ITGA8: variants seen among roughly 807,000 people sequenced by gnomAD.
The protein encoded by ITGA8 is integrin alpha-8.
A neutral mutation model predicts 142.3 loss-of-function variants in ITGA8; 91 were observed. The observed-to-expected ratio is 0.64, with a 90% CI of 0.54 to 0.76. The LOEUF (loss-of-function observed/expected upper bound fraction) is 0.76. Among genes scored for constraint, ITGA8 ranks in the 30% least tolerant of loss-of-function variants. The pLI is 0.00. For missense variants in ITGA8, 1,406 were observed against 1,327.7 expected, an observed-to-expected ratio of 1.06 and a Z score of -0.92; for synonymous variants, 505 against 485.2, an observed-to-expected ratio of 1.04 and a Z score of -0.54.
chr10:15,715,120 G>A (rs1013137275), intron 2 of ITGA8, among the ~76,000 whole-genome samples: 10 of 151,876 alleles, frequency 6.6e-5, no homozygotes, highest in Non-Finnish European at 1.0e-4. Flanking sequence ...AGAACAGTAC[G>A]TTACTGGCAC....
intron 13 of ITGA8, among the ~76,000 whole-genome samples, chr10:15,631,405 T>C (rs552795701): frequency 1.3e-5 from 2 of 152,000 alleles, no homozygotes. Context: ...GATGAGTTCA[T>C]GTCCTTTGCG....
At chr10:15,586,980 T>C (rs1395715738) in intron 22 of ITGA8, among the ~76,000 whole-genome samples, 1 of 151,914 alleles carries the variant, frequency 6.6e-6, no homozygotes, top group Non-Finnish European at 1.5e-5. Context: ...TGGAGTACAG[T>C]AGCCCAATAT....
intron 8 of ITGA8, among the ~76,000 whole-genome samples, chr10:15,667,317 T>C (rs1275351561): frequency 2.0e-5 from 3 of 152,210 alleles, no homozygotes; most frequent in African/African-American, 4.8e-5. Context: ...GAGTTGTTTA[T>C]AGTATTCTCT....
At chr10:15,642,354 CT>C (rs1476026771) in intron 13 of ITGA8, among the ~76,000 whole-genome samples, 1 of 152,062 alleles carries the variant, frequency 6.6e-6, no homozygotes, top group Non-Finnish European at 1.5e-5. Flanking sequence ...CCTCTATTTC[CT>C]TTGCCTCATC....
rs1834072492 is a variant in ITGA8 at position 15,566,031 on chromosome 10, T to C, written c.2637+6180A>G. Among the ~76,000 whole-genome samples, 4 of 152,178 alleles carry C rather than the reference T, an allele frequency of 2.6e-5. No individual in the cohort carries two copies. In the South Asian group the frequency reaches 8.3e-4, roughly 32 times the overall value. On this transcript the variant is annotated intron_variant, in intron 25 of 29. Transcript: ENST00000378076. ...AGGAAAACCAGTACACGAAGGCAGT[T>C]AGGAAGAAGAAAGTACCCTAAAGGA...
chr10:15,714,990 G>C (rs908420627), intron 2 of ITGA8, among the ~76,000 whole-genome samples: 1 of 152,180 alleles, frequency 6.6e-6, no homozygotes, highest in Non-Finnish European at 1.5e-5. Context: ...CTGATGTCTT[G>C]ACAGATGAAT....
chr10:15,707,002 C>A (rs1835272623), intron 2 of ITGA8, among the ~76,000 whole-genome samples: 1 of 152,186 alleles, frequency 6.6e-6, no homozygotes, highest in African/African-American at 2.4e-5. Flanking sequence ...CTCCTACAAC[C>A]TAGAACATGT....
At chr10:15,642,342 A>G (rs1833886362) in intron 13 of ITGA8, among the ~76,000 whole-genome samples, 1 of 152,126 alleles carries the variant, frequency 6.6e-6, no homozygotes, top group Admixed American at 6.5e-5. Context: ...TGATGGATAC[A>G]TCCTCTATTT....
At chr10:15,668,187 A>G (rs1401574416) in intron 8 of ITGA8, among the ~76,000 whole-genome samples, 1 of 152,186 alleles carries the variant, frequency 6.6e-6, no homozygotes, top group East Asian at 1.9e-4. Context: ...GACTTGCTTT[A>G]TGAATCTGGG....
chr10:15,670,416 TAGAG>T (rs1344990463), intron 8 of ITGA8, among the ~76,000 whole-genome samples: 1 of 152,184 alleles, frequency 6.6e-6, no homozygotes, highest in Non-Finnish European at 1.5e-5. Flanking sequence ...GCCTAAGGAA[TAGAG>T]AGTGTGAAGT....
intron 22 of ITGA8, among the ~76,000 whole-genome samples, chr10:15,591,294 G>C (rs1481030912): frequency 6.6e-6 from 1 of 151,604 alleles, no homozygotes; most frequent in East Asian, 1.9e-4. Flanking sequence ...TTACATCAGA[G>C]ATTTTCAAAC....
In ITGA8 at chr10:15,660,920, A is replaced by G. The variant is rs181394963; in HGVS notation, c.850T>C (p.Leu284=). The change falls in exon 9 of 30, where the codon TTG becomes CTG. Residue 284 remains leucine, a splice_region_variant and synonymous_variant. Coordinates refer to ENST00000378076, the MANE Select transcript of ITGA8 (RefSeq NM_003638.3). ...GCTCCTCTTGGAATTCCAGCAACCAATTCTGGGGATGAAAATAGCCATTTA... is the reference window on the plus strand; with the variant it reads ...GCTCCTCTTGGAATTCCAGCAACCAGTTCTGGGGATGAAAATAGCCATTTA... The part of the protein sequence containing the change: ...GEFTGDSQQE[L]VAGIPRGAQN... The G allele has an allele frequency of 6.8e-6, 11 of 1,613,554 alleles. No homozygotes were observed. In the African/African-American group the frequency reaches 9.3e-5, roughly 14 times the overall value.
At chr10:15,715,450 G>A (rs1183556224) in intron 2 of ITGA8, among the ~76,000 whole-genome samples, 1 of 152,174 alleles carries the variant, frequency 6.6e-6, no homozygotes, top group Middle Eastern at 3.2e-3. Flanking sequence ...CCCATTTCTG[G>A]AAGGAAGGTG....
At chr10:15,608,398 T>A in intron 15 of ITGA8, 108 bp from the exon 16 acceptor site, 1 of 613,992 alleles carries the variant, frequency 1.6e-6, no homozygotes, top group Non-Finnish European at 2.8e-6. Flanking sequence ...TATATATTTC[T>A]AATTACACAC....
chr10:15,655,295 C>A, intron 11 of ITGA8, 59 bp downstream of exon 11: 1 of 1,136,894 alleles, frequency 8.8e-7, no homozygotes, highest in East Asian at 2.5e-5. Context: ...GAAGGAAAAA[C>A]ATAACATCTT....
chr10:15,590,275 CA>C (rs1332142290), intron 22 of ITGA8, among the ~76,000 whole-genome samples: 6 of 152,182 alleles, frequency 3.9e-5, no homozygotes, highest in African/African-American at 1.2e-4. Flanking sequence ...TACTTTACAG[CA>C]AATTCGGCAC....
In ITGA8 at chr10:15,605,762, G is replaced by C. The variant is rs1216084289; in HGVS notation, c.1932C>G (p.Asp644Glu). Residue 644 changes from aspartate (D) to glutamate (E), a missense_variant, in exon 19 of 30, where the codon GAC becomes GAG. Physicochemically the swap from Asp to Glu is conservative, Grantham distance 45. Transcript: ENST00000378076. ...GCTTCAAGTCAGGAACACACAGATT[G>C]TCTTCTCCACAGTCCACCAGAATGT... ...QAHILVDCGE[D>E]NLCVPDLKLS... 6.2e-7 allele frequency: 1 copy of C among 1,613,486 alleles called. No homozygotes were observed. Among genetic ancestry groups the C allele is most frequent in the Non-Finnish European group, 8.5e-7 (1 of 1,179,466 alleles).
At position 15,523,756 on chromosome 10, in the gene ITGA8, C is replaced by CAAAA. The variant is rs11388685; in HGVS notation, c.2983-4348_2983-4345dup. Among the ~76,000 whole-genome samples, 610 of 117,064 alleles carry CAAAA rather than the reference C, an allele frequency of 5.2e-3. 4 individuals carry two copies. Among genetic ancestry groups the CAAAA allele is most frequent in the African/African-American group, 0.016 (514 of 31,584 alleles). 76.8% of individuals were successfully genotyped at this position (117,064 alleles called of 152,430 possible). On this transcript the variant is annotated intron_variant, in intron 28 of 29. Coordinates refer to ENST00000378076, the MANE Select transcript of ITGA8 (RefSeq NM_003638.3). ...GAAACCCCATCTCTACTAAAAATAC[C>CAAAA]AAAAAAAAAAAAAAAAAAAATTAGA...
chr10:15,534,881 C>A (rs957793475), intron 27 of ITGA8, among the ~76,000 whole-genome samples: 2 of 152,206 alleles, frequency 1.3e-5, no homozygotes, highest in African/African-American at 4.8e-5. Flanking sequence ...CTTGAGGAGC[C>A]CTTCAGCCCG....
Sources: gnomAD v4.1 joint callset for allele counts (sites outside exome capture counted in the v4.1 genomes callset) on GRCh38, gnomAD v4.1.1 for gene constraint, MANE v1.5 for transcripts, NCBI Gene and HGNC (gene_info 2026-07-23, HGNC 2026-07-21) for gene names.